The following WNT6 variants were observed in gnomAD, a reference collection of about 807,000 sequenced individuals.
WNT6 encodes protein Wnt-6.
WNT6 carries 27 observed loss-of-function variants against 33.1 expected under a neutral mutation model. The ratio of observed to expected loss-of-function variants is 0.82; its 90% CI spans 0.60 to 1.12. WNT6 has a LOEUF of 1.12. Among genes scored for constraint, WNT6 ranks in the 50% most tolerant of loss-of-function variants. WNT6 has a pLI of 0.00. For synonymous variants in WNT6, 249 were observed against 242.8 expected, an observed-to-expected ratio of 1.03 and a Z score of -0.24; for missense variants, 494 against 535.3, an observed-to-expected ratio of 0.92 and a Z score of 0.76.
intron 1 of WNT6, among the ~76,000 whole-genome samples, chr2:218,866,666 C>T (rs1472432599): frequency 1.3e-5 from 2 of 152,066 alleles, no homozygotes; most frequent in Non-Finnish European, 2.9e-5. Context: ...AACTGAGGCT[C>T]AGGAGGTTAA....
intron 1 of WNT6, among the ~76,000 whole-genome samples, chr2:218,866,006 G>A (rs571715608): frequency 6.6e-6 from 1 of 151,994 alleles, no homozygotes; most frequent in East Asian, 1.9e-4. Context: ...GTTTGGGTGG[G>A]GGTAGGGGCT....
rs941723413 is a variant in WNT6 at position 218,873,921 on chromosome 2, G to C, written c.*76G>C. The C allele has an allele frequency of 2.7e-5, 36 of 1,350,176 alleles. No homozygotes were observed. Among genetic ancestry groups the C allele is most frequent in the Admixed American group, 3.5e-5 (1 of 28,652 alleles). The allele number at this position is 1,350,176 out of a possible 1,614,324, so 83.6% of individuals were successfully genotyped here. On this transcript the variant is annotated 3_prime_UTR_variant, in exon 4 of 4. Transcript: ENST00000233948. This position sits in a 1 kb window ranked among gnomAD's most constrained non-coding sequence, Gnocchi z 6.1. ...TGGGACCTCAGGGCACCGGCACCGG[G>C]CGCCTCTCGCCGCTCGAGCCCAGCC...
intron 1 of WNT6, among the ~76,000 whole-genome samples, chr2:218,869,471 A>G (rs1225333168): frequency 6.6e-6 from 1 of 152,164 alleles, no homozygotes; most frequent in Non-Finnish European, 1.5e-5. Context: ...AGTGGGGCGG[A>G]TATGCACTAA....
In WNT6 at chr2:218,865,607, T is replaced by A. The variant is rs142272471; in HGVS notation, c.81-5420T>A. On this transcript the variant is annotated intron_variant, in intron 1 of 3. Coordinates refer to ENST00000233948, the MANE Select transcript of WNT6 (RefSeq NM_006522.4). ...AGGCAGCTCAGAGCCAGACTGAGAG[T>A]CCACCTCTGGCTCAGTGCCTCATTC... Among the ~76,000 whole-genome samples the A allele has an allele frequency of 1.8e-4, 27 of 152,032 alleles. 1 individual carries two copies. Among genetic ancestry groups the A allele is most frequent in the African/African-American group, 6.3e-4 (26 of 41,460 alleles).
intron 1 of WNT6, among the ~76,000 whole-genome samples, chr2:218,861,576 A>G (rs1282940401): frequency 6.6e-6 from 1 of 152,138 alleles, no homozygotes; most frequent in African/African-American, 2.4e-5. Context: ...GGTCCCCAGG[A>G]GTGAAAAAGG....
In WNT6 at chr2:218,873,884, G is replaced by A; in HGVS notation, c.*39G>A. 7.1e-7 allele frequency: 1 copy of A among 1,409,876 alleles called. No individual in the cohort carries two copies. The highest frequency in any genetic ancestry group is 2.9e-5 in the East Asian group (1 of 35,014). 87.3% of individuals were successfully genotyped at this position (1,409,876 alleles called of 1,614,324 possible). A position where few individuals can be genotyped will look rare whatever the true frequency, so the allele number is the denominator to read the frequency against. ...CGCTAGACTGACTTCGCGCAGCGGT[G>A]GCTCGCACCTGTGGGACCTCAGGGC... On this transcript the variant is annotated 3_prime_UTR_variant, in exon 4 of 4. Coordinates refer to ENST00000233948, the MANE Select transcript of WNT6 (RefSeq NM_006522.4). This position sits in a 1 kb window ranked among gnomAD's most constrained non-coding sequence, Gnocchi z 6.1.
At chr2:218,862,324 TTTTC>T (rs1270018733) in intron 1 of WNT6, among the ~76,000 whole-genome samples, 4 of 152,136 alleles carry the variant, frequency 2.6e-5, no homozygotes, top group South Asian at 4.1e-4. Flanking sequence ...TTCATTTTGT[TTTTC>T]TTTCTTTATT....
In WNT6 at chr2:218,867,862, G is replaced by T. The variant is rs1008064433; in HGVS notation, c.81-3165G>T. On this transcript the variant is annotated intron_variant, in intron 1 of 3. Coordinates refer to ENST00000233948, the MANE Select transcript of WNT6 (RefSeq NM_006522.4). This position sits in a 1 kb window ranked among gnomAD's most constrained non-coding sequence, Gnocchi z 4.9. The stretch of plus-strand genomic sequence containing the variant: ...GTTGTCAAAAGCCAAAGTTATAGGG[G>T]GTACGTGAGTCTCTCATGCTAACTC... Among the ~76,000 whole-genome samples, 3 of 152,164 alleles carry T rather than the reference G, an allele frequency of 2.0e-5. No homozygotes were observed. Among genetic ancestry groups the T allele is most frequent in the Admixed American group, 6.5e-5 (1 of 15,278 alleles).
chr2:218,871,160 G>A lies in WNT6; in HGVS notation c.214G>A (p.Gly72Arg), dbSNP rs779424323. Reference sequence around the variant, plus strand: ...AGAGCTAGCTCGGGGCGCCCGGCTCGGGGTGCGAGAGTGCCAGTTCCAGTT... The same window carrying A: ...AGAGCTAGCTCGGGGCGCCCGGCTCAGGGTGCGAGAGTGCCAGTTCCAGTT... ...VAELARGARL[G>R]VRECQFQFRF... is the part of the protein sequence containing the mutation. The change falls in exon 2 of 4, where the codon GGG becomes AGG. Residue 72 changes from glycine (G) to arginine (R), a missense_variant. By Grantham distance (125) the Gly-to-Arg change is moderately radical. Transcript: ENST00000233948. The surrounding 1 kb of genome is among the most constrained non-coding windows in gnomAD (Gnocchi z 6.4). 3 of 1,613,630 alleles carry A rather than the reference G, an allele frequency of 1.9e-6. No individual in the cohort carries two copies. The highest frequency in any genetic ancestry group is 3.3e-5 in the Admixed American group (2 of 60,008).
rs752458659 is a variant in WNT6, at chr2:218,873,800, G to A, written c.1053G>A (p.Gln351=). ...GCTTCCACTGGTGCTGCGTAGTACA[G>A]TGCCACCGCTGCCGTGTGCGCAAGG... is the stretch of plus-strand genomic sequence containing the variant. The part of the protein sequence containing the change: ...LCRFHWCCVV[Q]CHRCRVRKEL... The change falls in exon 4 of 4, where the codon CAG becomes CAA. Residue 351 remains glutamine (Q), a synonymous_variant. Coordinates refer to ENST00000233948, the MANE Select transcript of WNT6 (RefSeq NM_006522.4). The surrounding 1 kb of genome is among the most constrained non-coding windows in gnomAD (Gnocchi z 6.1). 1.9e-6 allele frequency: 3 copies of A among 1,557,876 alleles called. No individual in the cohort carries two copies. The highest frequency in any genetic ancestry group is 2.6e-6 in the Non-Finnish European group (3 of 1,157,780).
rs767870771 is a variant in WNT6 at position 218,871,676 on chromosome 2, G to C, written c.493G>C (p.Ala165Pro). The change falls in exon 3 of 4, where the codon GCC (alanine) becomes CCC (proline). Residue 165 changes from alanine (A) to proline (P), a missense_variant. Coordinates refer to ENST00000233948, the MANE Select transcript of WNT6 (RefSeq NM_006522.4). The surrounding 1 kb of genome is among the most constrained non-coding windows in gnomAD (Gnocchi z 6.4). ...CCCCGCGGGCTCCCCGGAAGGCAGC[G>C]CCGCCTGGGAGTGGGGAGGCTGCGG... is the stretch of plus-strand genomic sequence containing the variant. ...PGPAGSPEGSAAWEWGGCGDD... is the reference protein window; with the variant it reads ...PGPAGSPEGSPAWEWGGCGDD... 6.4e-6 allele frequency: 10 copies of C among 1,554,680 alleles called. No homozygotes were observed. In the Admixed American group the frequency reaches 1.3e-4, roughly 20 times the overall value.
intron 1 of WNT6, among the ~76,000 whole-genome samples, chr2:218,861,873 G>A (rs1022243677): frequency 6.6e-6 from 1 of 152,128 alleles, no homozygotes; most frequent in African/African-American, 2.4e-5. Flanking sequence ...TACTGCATTT[G>A]GCTGACAACA....
Position 218,860,100 on chromosome 2 carries a change from C to A in WNT6, c.63C>A (p.His21Gln). ...TGCTGCTGCTCCTGTGCCCGGCGCA[C>A]GTCGGCGGACTGTGGTGGTGAGTCC... ...LLLLLLLCPA[H>Q]VGGLWWAVGS... is the part of the protein sequence containing the mutation. Residue 21 changes from histidine to glutamine, a missense_variant, in exon 1 of 4, where the codon CAC (histidine) becomes CAA (glutamine). Physicochemically the swap from His to Gln is conservative, Grantham distance 24 (BLOSUM62 0). Transcript: ENST00000233948. 4 of 1,525,480 alleles carry A rather than the reference C, an allele frequency of 2.6e-6. No homozygotes were observed. In the South Asian group the frequency reaches 3.6e-5, roughly 14 times the overall value. The allele number at this position is 1,525,480 out of a possible 1,614,324, so 94.5% of individuals were successfully genotyped here.
chr2:218,866,393 G>A (rs543158193), intron 1 of WNT6, among the ~76,000 whole-genome samples: 63 of 152,338 alleles, frequency 4.1e-4, no homozygotes, highest in South Asian at 1.7e-3. Context: ...TCCAGGAGCA[G>A]GGCTGGATGG....
At position 218,860,085 on chromosome 2, in the gene WNT6, C is replaced by G; in HGVS notation, c.48C>G (p.Leu16=). 2 of 1,527,530 alleles carry G rather than the reference C, an allele frequency of 1.3e-6. No homozygotes were observed. Among genetic ancestry groups the G allele is most frequent in the Non-Finnish European group, 1.8e-6 (2 of 1,142,436 alleles). The allele number at this position is 1,527,530 out of a possible 1,614,324, so 94.6% of individuals were successfully genotyped here. A position where few individuals can be genotyped will look rare whatever the true frequency, so the allele number is the denominator to read the frequency against. Residue 16 remains leucine, a synonymous_variant, in exon 1 of 4, where the codon CTC becomes CTG. Coordinates refer to ENST00000233948, the MANE Select transcript of WNT6 (RefSeq NM_006522.4). ...GCCTCGGGCTGCTGCTGCTGCTGCTCCTGTGCCCGGCGCACGTCGGCGGAC... is the reference window on the plus strand; with the variant it reads ...GCCTCGGGCTGCTGCTGCTGCTGCTGCTGTGCCCGGCGCACGTCGGCGGAC... ...PSRLGLLLLL[L]LCPAHVGGLW...
chr2:218,868,271 T>A (rs1248702389), intron 1 of WNT6, among the ~76,000 whole-genome samples: 1 of 152,052 alleles, frequency 6.6e-6, no homozygotes, highest in Non-Finnish European at 1.5e-5. Context: ...GATTCTCCCG[T>A]CTCTAGTCCC....
intron 1 of WNT6, among the ~76,000 whole-genome samples, chr2:218,865,707 C>G (rs910154999): frequency 1.3e-5 from 2 of 152,108 alleles, no homozygotes; most frequent in Admixed American, 6.5e-5. Context: ...GTCCCACCCT[C>G]AGATAGGTGC....
At position 218,873,335 on chromosome 2, in the gene WNT6, C is replaced by A; in HGVS notation, c.637-49C>A. ...TTTCTGTCCATCCGCTGGGCCCTTC[C>A]CTGCACCCCCTACCTGTCCACATGC... On this transcript the variant is annotated intron_variant, in intron 3 of 3. Coordinates refer to ENST00000233948, the MANE Select transcript of WNT6 (RefSeq NM_006522.4). The surrounding 1 kb of genome is among the most constrained non-coding windows in gnomAD (Gnocchi z 6.1). The A allele has an allele frequency of 6.7e-7, 1 of 1,496,384 alleles. No homozygotes were observed. The highest frequency in any genetic ancestry group is 8.9e-7 in the Non-Finnish European group (1 of 1,120,694). 92.7% of individuals were successfully genotyped at this position (1,496,384 alleles called of 1,614,324 possible).
chr2:218,870,224 TAAAAA>T (rs139408257), intron 1 of WNT6, among the ~76,000 whole-genome samples: 1 of 132,946 alleles, frequency 7.5e-6, no homozygotes, highest in East Asian at 2.1e-4. Flanking sequence ...CCATCTCAAT[TAAAAA>T]AAAAAAAAAA....
Sources: allele counts gnomAD v4.1 joint callset (sites outside exome capture counted in the v4.1 genomes callset), GRCh38; gene constraint gnomAD v4.1.1; non-coding constraint Gnocchi (gnomAD v3.1); transcripts MANE v1.5; gene names NCBI Gene and HGNC (gene_info 2026-07-23, HGNC 2026-07-21).